The following CEP85L variants were observed in gnomAD, a reference collection of about 807,000 sequenced individuals.
CEP85L encodes centrosomal protein 85L, also known as centrosomal protein of 85 kDa-like.
In CEP85L, 60 loss-of-function variants were observed where a neutral mutation model predicts 100.3. The ratio of observed to expected loss-of-function variants is 0.60; its 90% confidence interval spans 0.49 to 0.74. The LOEUF is 0.74. Among genes scored for constraint, CEP85L ranks in the 30% least tolerant of loss-of-function variants. The probability of loss-of-function intolerance (pLI) is 0.00; values close to 1 mark genes in which losing one functional copy is unlikely to be tolerated. For missense variants in CEP85L, 973 were observed against 936.2 expected (o/e 1.04, Z -0.51); for synonymous variants, 319 against 322.7 (o/e 0.99, Z 0.12).
chr6:118,602,815 C>A (rs1171108461), intron 2 of CEP85L, among the ~76,000 whole-genome samples: 1 of 151,662 alleles, frequency 6.6e-6, no homozygotes, highest in Non-Finnish European at 1.5e-5. Flanking sequence ...GATGGAATTT[C>A]AGATAAGACT....
At chr6:118,613,669 A>C (rs1453091148) in intron 2 of CEP85L, among the ~76,000 whole-genome samples, 1 of 150,170 alleles carries the variant, frequency 6.7e-6, no homozygotes, top group Non-Finnish European at 1.5e-5. Context: ...AGGAAGGAGA[A>C]TCGCTTGAAC....
At chr6:118,584,329 A>C (rs1293500442) in intron 2 of CEP85L, among the ~76,000 whole-genome samples, 1 of 152,158 alleles carries the variant, frequency 6.6e-6, no homozygotes, top group African/African-American at 2.4e-5. Flanking sequence ...GGGAGTTGAG[A>C]ATATTTCTTC....
At chr6:118,568,410 A>C (rs904232213) in intron 2 of CEP85L, among the ~76,000 whole-genome samples, 4 of 152,248 alleles carry the variant, frequency 2.6e-5, no homozygotes, top group African/African-American at 9.6e-5. Flanking sequence ...GAAAACACTG[A>C]ATCGTCCAAT....
rs1772341541 is a variant in CEP85L, at chr6:118,463,669, G to A, written c.*1736C>T. On this transcript the variant is annotated 3_prime_UTR_variant, in exon 13 of 13. Transcript: ENST00000368491. ...CTCTGGGATGCAGGAGCACTACAAT[G>A]TACTTACTGATTTCTTAGTGCCCAG... 1 of 152,016 alleles carries A rather than the reference G, an allele frequency of 6.6e-6. No homozygotes were observed. The highest frequency in any genetic ancestry group is 2.4e-5 in the African/African-American group (1 of 41,424). 9.4% of individuals were successfully genotyped at this position (152,016 alleles called of 1,614,324 possible). A position where few individuals can be genotyped will look rare whatever the true frequency, so the allele number is the denominator to read the frequency against.
intron 5 of CEP85L, among the ~76,000 whole-genome samples, chr6:118,494,852 G>A (rs1774817978): frequency 6.6e-6 from 1 of 152,136 alleles, no homozygotes; most frequent in Non-Finnish European, 1.5e-5. Context: ...GTCAGATATG[G>A]CAAGAATGTC....
chr6:118,632,514 G>A lies in CEP85L; in HGVS notation c.171C>T (p.His57=), dbSNP rs1774230663. Residue 57 remains histidine (H), a synonymous_variant, in exon 2 of 13, where the codon CAC becomes CAT. Transcript: ENST00000368491. ...SNHRNNHIRR[H]SIASDSGDTG... ...TGTCTCCACTGTCAGAAGCTATACT[G>A]TGTCTCCTGATATGGTTATTTCGAT... The A allele has an allele frequency of 3.1e-6, 5 of 1,612,948 alleles. No individual in the cohort carries two copies. The highest frequency in any genetic ancestry group is 4.2e-6 in the Non-Finnish European group (5 of 1,179,354).
chr6:118,631,454 T>C lies in CEP85L; in HGVS notation c.232+999A>G, dbSNP rs536019250. Among the ~76,000 whole-genome samples the C allele has an allele frequency of 2.0e-5, 3 of 152,342 alleles. No homozygotes were observed. The South Asian group carries it at 6.2e-4, about 32-fold the overall frequency. Reference sequence around the variant, plus strand: ...ATATGCTACTACACAATCCAGCTACTACACTCCTAGGCATCTACTCACCCA... The same window carrying C: ...ATATGCTACTACACAATCCAGCTACCACACTCCTAGGCATCTACTCACCCA... On this transcript the variant is annotated intron_variant, in intron 2 of 12. Transcript: ENST00000368491.
chr6:118,537,283 T>G (rs985031090), intron 3 of CEP85L, among the ~76,000 whole-genome samples: 4 of 152,152 alleles, frequency 2.6e-5, no homozygotes, highest in African/African-American at 9.6e-5. Flanking sequence ...TGAGTTAATT[T>G]GAAGAAACAA....
At chr6:118,689,740 C>T (rs1350433090) in intron 1 of CEP85L, among the ~76,000 whole-genome samples, 1 of 152,084 alleles carries the variant, frequency 6.6e-6, no homozygotes, top group African/African-American at 2.4e-5. Context: ...GAGTACAATT[C>T]GTTCATTCAA....
chr6:118,559,410 C>G (rs186663539), intron 3 of CEP85L: 80 of 348,282 alleles, frequency 2.3e-4, no homozygotes, highest in Non-Finnish European at 3.4e-4. Flanking sequence ...GCACTGCCAA[C>G]AAGTTCACTT....
chr6:118,666,853 A>G (rs1776147893), intron 1 of CEP85L, among the ~76,000 whole-genome samples: 1 of 152,148 alleles, frequency 6.6e-6, no homozygotes, highest in South Asian at 2.1e-4. Flanking sequence ...GAAACTCAAA[A>G]TTTCTAAAAA....
At chr6:118,652,291 ACGTTCTTC>A, upstream of CEP85L, 1 of 605,814 alleles carries the variant, frequency 1.7e-6, no homozygotes, top group Non-Finnish European at 2.1e-6. Flanking sequence ...CTACTCCTTC[ACGTTCTTC>A]CTCTTCTTGG....
chr6:118,543,704 T>G (rs1169437581), intron 3 of CEP85L, among the ~76,000 whole-genome samples: 2 of 151,812 alleles, frequency 1.3e-5, no homozygotes, highest in African/African-American at 4.8e-5. Context: ...AATGGCAGAG[T>G]TGTCAAATCG....
chr6:118,595,896 T>G (rs1055448133), intron 2 of CEP85L, among the ~76,000 whole-genome samples: 2 of 152,118 alleles, frequency 1.3e-5, no homozygotes, highest in Non-Finnish European at 2.9e-5. Context: ...CCAAGCCAAA[T>G]AGTAATAGTA....
rs111506057 is a variant in CEP85L, at chr6:118,526,222, T to C, written c.1021-2302A>G. Among the ~76,000 whole-genome samples the C allele has an allele frequency of 4.3e-3, 660 of 152,260 alleles. 8 individuals carry two copies. Among genetic ancestry groups the C allele is most frequent in the African/African-American group, 0.015 (639 of 41,534 alleles). ...AGCCAGTATGCATCAGTACAGATAA[T>C]GTTAGCTGTTAGAATACTGAAGTAG... On this transcript the variant is annotated intron_variant, in intron 3 of 12. Transcript: ENST00000368491.
At chr6:118,621,917 G>C (rs1773468708) in intron 2 of CEP85L, among the ~76,000 whole-genome samples, 1 of 152,160 alleles carries the variant, frequency 6.6e-6, no homozygotes, top group Non-Finnish European at 1.5e-5. Context: ...AGTAGAATGG[G>C]AATCAGAGGC....
At chr6:118,686,875 C>T (rs538917851) in intron 1 of CEP85L, among the ~76,000 whole-genome samples, 4 of 152,318 alleles carry the variant, frequency 2.6e-5, no homozygotes, top group African/African-American at 9.6e-5. Flanking sequence ...TCACATCTCA[C>T]CTGATTAAAA....
chr6:118,561,869 T>G (rs903000319), intron 3 of CEP85L, among the ~76,000 whole-genome samples: 1 of 152,176 alleles, frequency 6.6e-6, no homozygotes, highest in Non-Finnish European at 1.5e-5. Context: ...CAGACGTATA[T>G]AAGATAACAA....
At position 118,651,239 on chromosome 6, in the gene CEP85L, T is replaced by C; in HGVS notation, c.31A>G (p.Ser11Gly). ...GCTCCGCCGGGGCTATCCCGGCCGC[T>C]GGCCTCCGGAGCCAGGAAGCGCCCC... MWGRFLAPEA[S>G]GRDSPGGARS... Residue 11 changes from serine (S) to glycine (G), a missense_variant, in exon 1 of 13, where the codon AGC (serine) becomes GGC (glycine). By Grantham distance (56) the Ser-to-Gly change is moderately conservative. Transcript: ENST00000368491. 6.7e-7 allele frequency: 1 copy of C among 1,494,802 alleles called. No homozygotes were observed. Among genetic ancestry groups the C allele is most frequent in the Non-Finnish European group, 8.9e-7 (1 of 1,128,280 alleles). 92.6% of individuals were successfully genotyped at this position (1,494,802 alleles called of 1,614,324 possible). A position where few individuals can be genotyped will look rare whatever the true frequency, so the allele number is the denominator to read the frequency against.
Sources: allele counts gnomAD v4.1 joint callset (sites outside exome capture counted in the v4.1 genomes callset), GRCh38; gene constraint gnomAD v4.1.1; transcripts MANE v1.5; gene names NCBI Gene and HGNC (gene_info 2026-07-23, HGNC 2026-07-21).